The following SLC5A12 variants were observed in gnomAD, a reference collection of about 807,000 sequenced individuals.
SLC5A12 encodes solute carrier family 5 member 12, also known as sodium-coupled monocarboxylate transporter 2.
Under a neutral mutation model 72.7 loss-of-function variants are expected in SLC5A12, and 46 were observed. The ratio of observed to expected loss-of-function variants is 0.63; its 90% CI spans 0.50 to 0.81. SLC5A12 has a LOEUF of 0.81. Among genes scored for constraint, SLC5A12 ranks in the 30% least tolerant of loss-of-function variants. SLC5A12 has a pLI of 0.00. For synonymous variants in SLC5A12, 275 were observed against 264.4 expected (o/e 1.04, Z -0.39); for missense variants, 683 against 740.7 (o/e 0.92, Z 0.90).
chr11:26,723,324 C>G (rs1176280156), upstream of SLC5A12: 4 of 150,180 alleles, frequency 2.7e-5, no homozygotes, highest in African/African-American at 1.0e-4. Context: ...AATATGAAGA[C>G]TCTCCCAAGA....
chr11:26,678,019 C>G (rs1399404386), intron 13 of SLC5A12, among the ~76,000 whole-genome samples: 1 of 152,104 alleles, frequency 6.6e-6, no homozygotes, highest in Non-Finnish European at 1.5e-5. Flanking sequence ...ATCAAAAGGG[C>G]AAGTATGGAT....
chr11:26,674,864 C>A (rs1359643295), intron 13 of SLC5A12, among the ~76,000 whole-genome samples: 6 of 152,184 alleles, frequency 3.9e-5, no homozygotes, highest in Admixed American at 3.3e-4. Context: ...ACACATTTTA[C>A]ATAGATTATC....
Position 26,668,461 on chromosome 11 carries a change from A to G in SLC5A12, c.*2641T>C, listed in dbSNP as rs1342540851. On this transcript the variant is annotated 3_prime_UTR_variant, in exon 15 of 15. Coordinates refer to ENST00000396005, the MANE Select transcript of SLC5A12 (RefSeq NM_178498.4). ...TTCCATGGTATGGATGGAACTTGTC[A>G]CTGAACTGTCTTTGTACTGCACCAG... is the stretch of plus-strand genomic sequence containing the variant. 1 of 152,012 alleles carries G rather than the reference A, an allele frequency of 6.6e-6. No individual in the cohort carries two copies. The highest frequency in any genetic ancestry group is 1.5e-5 in the Non-Finnish European group (1 of 67,968). 9.4% of individuals were successfully genotyped at this position (152,012 alleles called of 1,614,324 possible).
At chr11:26,671,632 A>T (rs1459226076) in intron 14 of SLC5A12, among the ~76,000 whole-genome samples, 17 of 152,080 alleles carry the variant, frequency 1.1e-4, no homozygotes, top group Non-Finnish European at 1.5e-5. Flanking sequence ...TCTGCTGATA[A>T]AAACAGGGAC....
At chr11:26,717,928 C>A (rs1349079996) in intron 1 of SLC5A12, among the ~76,000 whole-genome samples, 1 of 152,210 alleles carries the variant, frequency 6.6e-6, no homozygotes, top group East Asian at 1.9e-4. Context: ...GGGCAGCATT[C>A]CAAGAGGACA....
chr11:26,704,074 T>C (rs556886397), intron 4 of SLC5A12, 127 bp from the exon 5 acceptor site: 1 of 970,074 alleles, frequency 1.0e-6, no homozygotes, highest in African/African-American at 1.6e-5. Flanking sequence ...GAGGATCTTT[T>C]ATGTGCCAAG....
chr11:26,685,726 A>C (rs556450605), intron 10 of SLC5A12, among the ~76,000 whole-genome samples: 75 of 152,304 alleles, frequency 4.9e-4, no homozygotes, highest in African/African-American at 1.7e-3. Context: ...GGGCAACATG[A>C]AGAATGGGGA....
At chr11:26,723,226 A>C (rs1855511950), upstream of SLC5A12, 1 of 152,668 alleles carries the variant, frequency 6.6e-6, no homozygotes, top group Admixed American at 6.5e-5. Context: ...CATCTGGATA[A>C]CTGAATAAAT....
chr11:26,690,220 A>G (rs1430206969), intron 9 of SLC5A12, among the ~76,000 whole-genome samples: 1 of 152,138 alleles, frequency 6.6e-6, no homozygotes, highest in Non-Finnish European at 1.5e-5. Context: ...AGTTAATTTA[A>G]GAGAATAAAT....
At chr11:26,683,677 T>G in intron 11 of SLC5A12, 80 bp downstream of exon 11, 1 of 1,174,894 alleles carries the variant, frequency 8.5e-7, no homozygotes, top group Non-Finnish European at 1.2e-6. Flanking sequence ...ATAGCTTTTC[T>G]AAACAGGGCT....
chr11:26,678,759 C>T lies in SLC5A12; in HGVS notation c.1532G>A (p.Gly511Asp). 1.9e-6 allele frequency: 3 copies of T among 1,613,370 alleles called. No homozygotes were observed. Among genetic ancestry groups the T allele is most frequent in the South Asian group, 1.1e-5 (1 of 91,054 alleles). The change falls in exon 13 of 15, where the codon GGC becomes GAC. Residue 511 changes from glycine (G) to aspartate (D), a missense_variant. Coordinates refer to ENST00000396005, the MANE Select transcript of SLC5A12 (RefSeq NM_178498.4). ...TCCAGCAACAATGCATCCTAAGCAG[C>T]CCACTGCACTGTAGTAAAGGTAGGA... The part of the protein sequence containing the change: ...SISYLYYSAV[G>D]CLGCIVAGVI...
intron 11 of SLC5A12, among the ~76,000 whole-genome samples, chr11:26,681,817 C>A (rs1474417645): frequency 6.6e-6 from 1 of 152,014 alleles, no homozygotes; most frequent in Non-Finnish European, 1.5e-5. Context: ...GAGATTAGGA[C>A]CACTAGAGAA....
In SLC5A12 at chr11:26,721,406, G is replaced by C; in HGVS notation, c.309C>G (p.Phe103Leu). The change falls in exon 1 of 15, where the codon TTC becomes TTG. Residue 103 changes from phenylalanine (F) to leucine (L), a missense_variant. By Grantham distance (22) the Phe-to-Leu change is conservative. Transcript: ENST00000396005. ...AAGTGCTGGTGATACCAGATCTGTA[G>C]AACACAGGGAGAAAGAGCTCTGATG... ...LLTSELFLPV[F>L]YRSGITSTYE... The C allele has an allele frequency of 1.9e-6, 3 of 1,613,904 alleles. No homozygotes were observed. Among genetic ancestry groups the C allele is most frequent in the Non-Finnish European group, 2.5e-6 (3 of 1,179,882 alleles).
At position 26,692,604 on chromosome 11, in the gene SLC5A12, A is replaced by G. The variant is rs143324712; in HGVS notation, c.1041-3T>C. ...CATTGATGCTGGAAGCCACGGTGCT[A>G]TAAGGAAAGAAAAGTGAGAACATGG... On this transcript the variant is annotated splice_polypyrimidine_tract_variant and splice_region_variant and intron_variant, in intron 8 of 14. Transcript: ENST00000396005. 151 of 1,608,438 alleles carry G rather than the reference A, an allele frequency of 9.4e-5. 3 individuals are homozygous for G. In the African/African-American group the frequency reaches 1.6e-3, roughly 17 times the overall value.
chr11:26,697,892 CT>C (rs34284911), intron 7 of SLC5A12, among the ~76,000 whole-genome samples: 1,232 of 93,918 alleles, frequency 0.013, 6 homozygotes, highest in African/African-American at 0.05. Context: ...GAGATGCCGT[CT>C]TTTTTTTTTT....
intron 4 of SLC5A12, among the ~76,000 whole-genome samples, chr11:26,705,925 TACACACACACACACACACACAC>T (rs71047876): frequency 3.6e-4 from 47 of 129,716 alleles, no homozygotes; most frequent in African/African-American, 7.8e-4. Flanking sequence ...TTCTCTGTCA[TACACACACACACACACACACAC>T]ACACACACAC....
intron 1 of SLC5A12, among the ~76,000 whole-genome samples, chr11:26,713,874 C>T (rs143624961): frequency 6.6e-6 from 1 of 152,146 alleles, no homozygotes; most frequent in Non-Finnish European, 1.5e-5. Context: ...CAGCTTCCTG[C>T]CTTCCTGCTG....
intron 9 of SLC5A12, among the ~76,000 whole-genome samples, chr11:26,690,172 G>T (rs1480480327): frequency 6.6e-6 from 1 of 152,146 alleles, no homozygotes; most frequent in Non-Finnish European, 1.5e-5. Flanking sequence ...GGGAGTGGTG[G>T]TGGTGGGTTC....
At chr11:26,683,963 T>C in intron 10 of SLC5A12, 120 bp from the exon 11 acceptor site, 2 of 685,072 alleles carry the variant, frequency 2.9e-6, no homozygotes, top group Non-Finnish European at 5.0e-6. Context: ...TGCCATTTGT[T>C]AATTATGTGC....
Sources: allele counts gnomAD v4.1 joint callset (sites outside exome capture counted in the v4.1 genomes callset), GRCh38; gene constraint gnomAD v4.1.1; transcripts MANE v1.5; gene names NCBI Gene and HGNC (gene_info 2026-07-23, HGNC 2026-07-21).